Variants in SOX6 observed in about 807,000 individuals in gnomAD.
SOX6 encodes transcription factor SOX-6.
A neutral mutation model predicts 97.8 loss-of-function variants in SOX6; 11 were observed. That is an observed-to-expected ratio of 0.11 (90% CI 0.07 to 0.19). The LOEUF (loss-of-function observed/expected upper bound fraction) is 0.19, where lower values mean the gene tolerates loss of function less well. Among genes scored for constraint, SOX6 ranks in the 10% least tolerant of loss-of-function variants. The pLI is 1.00. For missense variants in SOX6, 810 were observed against 1,039.5 expected (o/e 0.78, Z 3.04); for synonymous variants, 360 against 371.4 (o/e 0.97, Z 0.35).
chr11:16,565,562 C>A (rs1847860792), intron 4 of SOX6, among the ~76,000 whole-genome samples: 2 of 151,422 alleles, frequency 1.3e-5, no homozygotes, highest in South Asian at 2.1e-4. Context: ...AAACAAGTAT[C>A]CACAGTAACC....
intron 2 of SOX6, among the ~76,000 whole-genome samples, chr11:16,335,945 C>T (rs1224963614): frequency 6.6e-6 from 1 of 152,170 alleles, no homozygotes; most frequent in African/African-American, 2.4e-5. Flanking sequence ...GCATTATTGA[C>T]ATCTTTTATT....
At chr11:16,111,398 A>C (rs1849224859) in intron 7 of SOX6, among the ~76,000 whole-genome samples, 1 of 152,230 alleles carries the variant, frequency 6.6e-6, no homozygotes, top group Admixed American at 6.5e-5. Flanking sequence ...CTATCTTTCT[A>C]AGAGAAGTCT....
chr11:16,292,419 T>C (rs1315748974), intron 3 of SOX6, among the ~76,000 whole-genome samples: 1 of 152,080 alleles, frequency 6.6e-6, no homozygotes, highest in African/African-American at 2.4e-5. Flanking sequence ...ATCATGTTAA[T>C]GTCTAGAATC....
chr11:16,222,969 G>A (rs1852586436), intron 4 of SOX6, among the ~76,000 whole-genome samples: 1 of 151,952 alleles, frequency 6.6e-6, no homozygotes, highest in African/African-American at 2.4e-5. Flanking sequence ...AAGTCCTACA[G>A]TACGAATTAT....
intron 4 of SOX6, among the ~76,000 whole-genome samples, chr11:16,592,265 C>T (rs1406279638): frequency 6.7e-6 from 1 of 149,774 alleles, no homozygotes; most frequent in Non-Finnish European, 1.5e-5. Flanking sequence ...CCAGACTCAA[C>T]CTTACCAGCA....
chr11:16,269,690 C>T (rs1353498057), intron 3 of SOX6, among the ~76,000 whole-genome samples: 3 of 150,666 alleles, frequency 2.0e-5, no homozygotes, highest in Non-Finnish European at 4.5e-5. Context: ...ATTTAATCTT[C>T]TTTGTTGCTA....
chr11:16,409,939 T>C (rs1858765763), intron 1 of SOX6, among the ~76,000 whole-genome samples: 1 of 152,088 alleles, frequency 6.6e-6, no homozygotes, highest in Non-Finnish European at 1.5e-5. Context: ...ATGTTCTCCC[T>C]TATATGTGGA....
chr11:16,283,019 G>GTA lies in SOX6; in HGVS notation c.445+35425_445+35426dup, dbSNP rs10581082. On this transcript the variant is annotated intron_variant, in intron 3 of 15. Coordinates refer to ENST00000683767, the MANE Select transcript of SOX6 (RefSeq NM_001367873.1). ...AGAAAGGGAGCCCTATGAGATGTGA[G>GTA]TATATATATATATATATATATATGT... is the stretch of plus-strand genomic sequence containing the variant. Among the ~76,000 whole-genome samples, 1,181 of 133,138 alleles carry GTA rather than the reference G, an allele frequency of 8.9e-3. 22 individuals carry two copies. Among genetic ancestry groups the GTA allele is most frequent in the African/African-American group, 0.032 (1,123 of 35,252 alleles). 87.3% of individuals were successfully genotyped at this position (133,138 alleles called of 152,430 possible).
intron 1 of SOX6, chr11:16,402,809 C>T: frequency 6.4e-7 from 1 of 1,570,150 alleles, no homozygotes; most frequent in East Asian, 2.3e-5. Context: ...CCTTTCATGT[C>T]CTTGAAGCTC....
intron 4 of SOX6, among the ~76,000 whole-genome samples, chr11:16,540,093 C>T (rs1254263565): frequency 1.3e-5 from 2 of 152,116 alleles, no homozygotes; most frequent in African/African-American, 4.8e-5. Context: ...AAAACCGAAT[C>T]CAGCAGCACA....
intron 6 of SOX6, among the ~76,000 whole-genome samples, chr11:16,129,480 T>C (rs1849687384): frequency 6.6e-6 from 1 of 152,164 alleles, no homozygotes; most frequent in African/African-American, 2.4e-5. Context: ...TTTACAAAGA[T>C]AGCTTTTAAC....
intron 3 of SOX6, among the ~76,000 whole-genome samples, chr11:16,305,108 C>T (rs1229826366): frequency 6.6e-6 from 1 of 151,944 alleles, no homozygotes; most frequent in African/African-American, 2.4e-5. Flanking sequence ...CTGTGAAAGC[C>T]CATGTAAAGA....
At chr11:16,540,794 A>T (rs867749086) in intron 4 of SOX6, among the ~76,000 whole-genome samples, 41 of 152,204 alleles carry the variant, frequency 2.7e-4, no homozygotes, top group African/African-American at 8.9e-4. Context: ...AAGGAGAACT[A>T]CAAACCACTG....
At chr11:16,347,993 A>G (rs1246645222) in intron 1 of SOX6, among the ~76,000 whole-genome samples, 1 of 151,838 alleles carries the variant, frequency 6.6e-6, no homozygotes, top group Non-Finnish European at 1.5e-5. Flanking sequence ...TCAAAGACAG[A>G]CAAGAAGAAG....
chr11:16,513,670 T>C (rs1381838129), intron 4 of SOX6, among the ~76,000 whole-genome samples: 1 of 151,816 alleles, frequency 6.6e-6, no homozygotes, highest in Non-Finnish European at 1.5e-5. Context: ...CAGCAAACGA[T>C]GTAAGGGGAA....
intron 13 of SOX6, among the ~76,000 whole-genome samples, chr11:15,995,162 T>C (rs1215251076): frequency 1.3e-5 from 2 of 152,096 alleles, no homozygotes; most frequent in African/African-American, 2.4e-5. Context: ...ATCTGGAAAA[T>C]CTGAAAAGAG....
rs1242898734 is a variant in SOX6 at position 15,970,703 on chromosome 11, T to C, written c.*2106A>G. 6.5e-6 allele frequency: 1 copy of C among 152,774 alleles called. No homozygotes were observed. Among genetic ancestry groups the C allele is most frequent in the East Asian group, 1.9e-4 (1 of 5,188 alleles). 9.5% of individuals were successfully genotyped at this position (152,774 alleles called of 1,614,324 possible). A position where few individuals can be genotyped will look rare whatever the true frequency, so the allele number is the denominator to read the frequency against. ...GAGCACTCCCAGCTAACAGAATAGC[T>C]TGTAATTTCTTGGCTAGACCTGTTT... On this transcript the variant is annotated 3_prime_UTR_variant, in exon 16 of 16. Coordinates refer to ENST00000683767, the MANE Select transcript of SOX6 (RefSeq NM_001367873.1).
chr11:16,714,847 T>C (rs1325599605), exon 3 of SOX6: 1 of 152,214 alleles, frequency 6.6e-6, no homozygotes, highest in African/African-American at 2.4e-5. Flanking sequence ...TATATTGGAC[T>C]TCTGTAGATT....
At chr11:16,349,852 C>G (rs538788415) in intron 1 of SOX6, among the ~76,000 whole-genome samples, 7 of 152,202 alleles carry the variant, frequency 4.6e-5, no homozygotes, top group Admixed American at 4.6e-4. Flanking sequence ...GCCTGATATG[C>G]CATTTTACCA....
Sources: allele counts gnomAD v4.1 joint callset (sites outside exome capture counted in the v4.1 genomes callset), GRCh38; gene constraint gnomAD v4.1.1; transcripts MANE v1.5; gene names NCBI Gene and HGNC (gene_info 2026-07-23, HGNC 2026-07-21).